CEP170: variants seen among roughly 807,000 people sequenced by gnomAD.
The protein encoded by CEP170 is centrosomal protein of 170 kDa.
CEP170 carries 21 observed loss-of-function variants against 151.9 expected under a neutral mutation model. The observed-to-expected ratio is 0.14, with a 90% CI of 0.10 to 0.20. The LOEUF is 0.20. CEP170 is among the 10% of genes least tolerant of loss of function. The pLI is 1.00. For missense variants in CEP170, 964 were observed against 1,892.9 expected (o/e 0.51, Z 9.11); for synonymous variants, 356 against 648.8 (o/e 0.55, Z 6.86).
rs1195181771 is a variant in CEP170 at position 243,125,198 on chromosome 1, C to T, written c.*1251G>A. 6.6e-6 allele frequency: 1 copy of T among 152,122 alleles called. No individual in the cohort carries two copies. Among genetic ancestry groups the T allele is most frequent in the Admixed American group, 6.6e-5 (1 of 15,256 alleles). The allele number at this position is 152,122 out of a possible 1,614,324, so 9.4% of individuals were successfully genotyped here. On this transcript the variant is annotated 3_prime_UTR_variant, in exon 20 of 20. Transcript: ENST00000366542. ...CCCCAATTATAGTGTTCTGGAAACACAAAGGTAATTACTTTTCTTTTTAAA... is the reference window on the plus strand; with the variant it reads ...CCCCAATTATAGTGTTCTGGAAACATAAAGGTAATTACTTTTCTTTTTAAA...
chr1:243,186,072 T>A lies in CEP170; in HGVS notation c.1273A>T (p.Thr425Ser), dbSNP rs370769304. 7 of 1,613,576 alleles carry A rather than the reference T, an allele frequency of 4.3e-6. No homozygotes were observed. The African/African-American group carries it at 9.3e-5, about 22-fold the overall frequency. Residue 425 changes from threonine (T) to serine (S), a missense_variant and splice_region_variant, in exon 10 of 20, where the codon ACT (threonine) becomes TCT (serine). Physicochemically the swap from Thr to Ser is moderately conservative, Grantham distance 58 (BLOSUM62 1). Transcript: ENST00000366542. ...CCCCCTCTGTGATGCGCAGAGCTAG[T>A]CTGTAAAGACAAAGAAACCACTTTG... ...ATEKHQDQAV[T>S]SSAHHRGGHG...
At chr1:243,216,929 C>T (rs1479052935) in intron 3 of CEP170, among the ~76,000 whole-genome samples, 1 of 152,168 alleles carries the variant, frequency 6.6e-6, no homozygotes, top group Non-Finnish European at 1.5e-5. Context: ...TACAGTCATG[C>T]ATTGCTTAAC....
At chr1:243,184,347 ACTCT>A (rs200021958) in intron 10 of CEP170, among the ~76,000 whole-genome samples, 1 of 150,804 alleles carries the variant, frequency 6.6e-6, no homozygotes. Flanking sequence ...CTTAAATTGC[ACTCT>A]CTCTCTCTCT....
At chr1:243,197,558 G>C (rs2060736795) in intron 7 of CEP170, among the ~76,000 whole-genome samples, 1 of 151,954 alleles carries the variant, frequency 6.6e-6, no homozygotes, top group Non-Finnish European at 1.5e-5. Context: ...AGGTCTTCCG[G>C]AAGTAACGTT....
chr1:243,225,358 AT>A, intron 1 of CEP170, 37 bp from the exon 2 acceptor site: 1 of 849,084 alleles, frequency 1.2e-6, no homozygotes, highest in Non-Finnish European at 1.7e-6. Flanking sequence ...ACGTTCAGAT[AT>A]TTTTAGCTTT....
At chr1:243,221,030 C>T (rs955667109) in intron 3 of CEP170, among the ~76,000 whole-genome samples, 16 of 151,778 alleles carry the variant, frequency 1.1e-4, no homozygotes, top group African/African-American at 3.4e-4. Context: ...CTTTTCTTTT[C>T]TTTTTTTTGA....
chr1:243,254,215 T>A (rs1398715075), intron 1 of CEP170: 1 of 151,870 alleles, frequency 6.6e-6, no homozygotes, highest in Non-Finnish European at 1.5e-5. Context: ...AATAAATAAA[T>A]AAATAAAACT....
At chr1:243,244,802 A>G (rs548793169) in intron 1 of CEP170, among the ~76,000 whole-genome samples, 1 of 152,118 alleles carries the variant, frequency 6.6e-6, no homozygotes, top group South Asian at 2.1e-4. Context: ...ATAAACTGAC[A>G]CAGCAGGCTA....
rs150329496 is a variant in CEP170, at chr1:243,170,654, C to A, written c.1717-900G>T. Reference sequence around the variant, plus strand: ...ACGAAAAACACAAAAATTAGCCGGGCGTGGTGGCATGCACCTGTAGTCCCA... The same window carrying A: ...ACGAAAAACACAAAAATTAGCCGGGAGTGGTGGCATGCACCTGTAGTCCCA... On this transcript the variant is annotated intron_variant, in intron 11 of 19. Transcript: ENST00000366542. Among the ~76,000 whole-genome samples, 1,095 of 152,168 alleles carry A rather than the reference C, an allele frequency of 7.2e-3. 11 individuals carry two copies. Among genetic ancestry groups the A allele is most frequent in the African/African-American group, 0.025 (1,023 of 41,522 alleles).
chr1:243,129,251 T>A, intron 18 of CEP170, 109 bp downstream of exon 18: 1 of 749,626 alleles, frequency 1.3e-6, no homozygotes, highest in Non-Finnish European at 2.0e-6. Flanking sequence ...ATTTTGCATT[T>A]ATATCTTCTT....
At chr1:243,154,993 A>G (rs1473540000) in intron 14 of CEP170, among the ~76,000 whole-genome samples, 1 of 152,164 alleles carries the variant, frequency 6.6e-6, no homozygotes, top group Non-Finnish European at 1.5e-5. Flanking sequence ...TGTTGTTGCT[A>G]GCAGCGCCTG....
chr1:243,242,271 T>C (rs1270771691), intron 1 of CEP170, among the ~76,000 whole-genome samples: 1 of 152,110 alleles, frequency 6.6e-6, no homozygotes, highest in Non-Finnish European at 1.5e-5. Flanking sequence ...CAGGCTGGAG[T>C]GCAGTGGCGT....
chr1:243,159,858 G>T (rs2057921187), intron 13 of CEP170, among the ~76,000 whole-genome samples: 1 of 149,352 alleles, frequency 6.7e-6, no homozygotes, highest in Non-Finnish European at 1.5e-5. Context: ...GCGCCATCTT[G>T]GCTCACTGCA....
At chr1:243,132,798 T>C (rs2054575536) in intron 17 of CEP170, among the ~76,000 whole-genome samples, 2 of 152,188 alleles carry the variant, frequency 1.3e-5, no homozygotes. Flanking sequence ...ATCTGCTGAA[T>C]AAATGAATGA....
At chr1:243,203,453 A>T (rs535616552) in intron 4 of CEP170, among the ~76,000 whole-genome samples, 1 of 152,194 alleles carries the variant, frequency 6.6e-6, no homozygotes, top group Non-Finnish European at 1.5e-5. Context: ...GTGTTCTTAG[A>T]TACGGTTCCT....
At chr1:243,174,826 C>G (rs1220004857) in intron 10 of CEP170, among the ~76,000 whole-genome samples, 2 of 152,284 alleles carry the variant, frequency 1.3e-5, no homozygotes, top group East Asian at 3.9e-4. Flanking sequence ...AACCTGTGTC[C>G]TCTACCTTTA....
chr1:243,152,827 G>T (rs184830727), intron 14 of CEP170, among the ~76,000 whole-genome samples: 1 of 152,126 alleles, frequency 6.6e-6, no homozygotes, highest in Non-Finnish European at 1.5e-5. Flanking sequence ...CACCGTGCCT[G>T]GCCCGTTTTG....
Position 243,252,419 on chromosome 1 carries a change from T to C in CEP170, c.-42+2621A>G, listed in dbSNP as rs536346109. ...ACATTTTGACAAAAAAGCTTAAGCA[T>C]ATACAATATTTAGTACTAGATGAGC... On this transcript the variant is annotated intron_variant, in intron 1 of 19. Coordinates refer to ENST00000366542, the MANE Select transcript of CEP170 (RefSeq NM_014812.3). 1.3e-4 allele frequency among the ~76,000 whole-genome samples: 20 copies of C among 152,254 alleles called. No homozygotes were observed. In the South Asian group the frequency reaches 4.1e-3, roughly 32 times the overall value.
chr1:243,131,597 A>T (rs374231018), intron 17 of CEP170, among the ~76,000 whole-genome samples: 1 of 152,014 alleles, frequency 6.6e-6, no homozygotes, highest in African/African-American at 2.4e-5. Context: ...AAACTTTACT[A>T]TAATATTTAC....
Sources: allele counts gnomAD v4.1 joint callset (sites outside exome capture counted in the v4.1 genomes callset), GRCh38; gene constraint gnomAD v4.1.1; transcripts MANE v1.5; gene names NCBI Gene and HGNC (gene_info 2026-07-23, HGNC 2026-07-21).